CHD7: variants seen among roughly 807,000 people sequenced by gnomAD.
CHD7 encodes the protein ATP-dependent chromatin remodeler CHD7.
CHD7 carries 24 observed loss-of-function variants against 307.3 expected under a neutral mutation model. That is an observed-to-expected ratio of 0.08 (90% confidence interval 0.06 to 0.11). The LOEUF is 0.11. Ranked by LOEUF, CHD7 falls within the 10% of genes least tolerant of loss-of-function variation. The pLI, the probability that CHD7 is intolerant of heterozygous loss-of-function variation, is 1.00. For synonymous variants in CHD7, 1,363 were observed against 1,349.9 expected (o/e 1.01, Z -0.21); for missense variants, 3,106 against 3,727.1 (o/e 0.83, Z 4.34).
intron 2 of CHD7, among the ~76,000 whole-genome samples, chr8:60,747,918 G>A (rs975529673): frequency 1.3e-5 from 2 of 152,208 alleles, no homozygotes; most frequent in African/African-American, 2.4e-5. Context: ...TAACAGTGGG[G>A]ACTCAAAAAC....
At chr8:60,854,721 A>G (rs1302300249) in intron 32 of CHD7, among the ~76,000 whole-genome samples, 198 bp downstream of exon 32, 1 of 152,228 alleles carries the variant, frequency 6.6e-6, no homozygotes, top group Non-Finnish European at 1.5e-5. Context: ...TTCTAATAGG[A>G]TGGGAAATGT....
intron 32 of CHD7, among the ~76,000 whole-genome samples, chr8:60,855,553 C>T (rs1213099504): frequency 6.6e-6 from 1 of 152,196 alleles, no homozygotes; most frequent in Non-Finnish European, 1.5e-5. Flanking sequence ...GCAATCCAGC[C>T]TGTAGATCTG....
At chr8:60,765,225 A>G (rs1185177617) in intron 2 of CHD7, among the ~76,000 whole-genome samples, 3 of 151,286 alleles carry the variant, frequency 2.0e-5, no homozygotes, top group African/African-American at 7.3e-5. Context: ...ACACACACAC[A>G]CACACGCACA....
intron 1 of CHD7, among the ~76,000 whole-genome samples, chr8:60,735,933 A>G (rs767369938): frequency 1.3e-5 from 2 of 152,170 alleles, no homozygotes; most frequent in Non-Finnish European, 2.9e-5. Context: ...TTTAAGTTTT[A>G]TTTAGTTTAA....
chr8:60,776,017 C>G (rs577755337), intron 2 of CHD7, among the ~76,000 whole-genome samples: 1 of 152,204 alleles, frequency 6.6e-6, no homozygotes, highest in African/African-American at 2.4e-5. Flanking sequence ...GCCTTGGCCT[C>G]CCAAAGTGCT....
chr8:60,780,903 T>C (rs200937054), intron 2 of CHD7, 97 bp from the exon 3 acceptor site: 3 of 430,434 alleles, frequency 7.0e-6, no homozygotes, highest in Middle Eastern at 7.0e-4. Context: ...TACCTGAGTA[T>C]AGAATAAGTT....
chr8:60,815,643 G>A (rs1287669549), intron 7 of CHD7, among the ~76,000 whole-genome samples: 4 of 152,170 alleles, frequency 2.6e-5, no homozygotes, highest in African/African-American at 9.7e-5. Context: ...CTTGAGGGGA[G>A]GGGGTTTGCC....
intron 1 of CHD7, among the ~76,000 whole-genome samples, chr8:60,720,875 T>TCAG (rs1278742777): frequency 5.9e-5 from 9 of 152,222 alleles, no homozygotes; most frequent in Non-Finnish European, 1.3e-4. Flanking sequence ...CTTGCCACCA[T>TCAG]CAGCAGCAGC....
At chr8:60,686,617 G>A (rs886575587) in intron 1 of CHD7, among the ~76,000 whole-genome samples, 7 of 152,186 alleles carry the variant, frequency 4.6e-5, no homozygotes, top group African/African-American at 1.7e-4. Context: ...ATCAGGATGA[G>A]GTTGGGCAAA....
chr8:60,798,423 ACTAT>A (rs1274691201), intron 4 of CHD7, among the ~76,000 whole-genome samples: 3 of 152,164 alleles, frequency 2.0e-5, no homozygotes, highest in Non-Finnish European at 2.9e-5. Flanking sequence ...ACAATATCTA[ACTAT>A]CTATTTGATG....
chr8:60,814,039 C>A (rs1220969788), intron 7 of CHD7, among the ~76,000 whole-genome samples: 1 of 152,136 alleles, frequency 6.6e-6, no homozygotes, highest in Non-Finnish European at 1.5e-5. Context: ...TTATTAGCTT[C>A]ATAATATTTT....
At chr8:60,817,154 G>A (rs1026359979) in intron 8 of CHD7, among the ~76,000 whole-genome samples, 1 of 152,160 alleles carries the variant, frequency 6.6e-6, no homozygotes, top group African/African-American at 2.4e-5. Flanking sequence ...GCTTACTAGG[G>A]TCTCTGGACT....
At chr8:60,702,393 A>G (rs545356346) in intron 1 of CHD7, among the ~76,000 whole-genome samples, 2 of 152,250 alleles carry the variant, frequency 1.3e-5, no homozygotes, top group Non-Finnish European at 2.9e-5. Flanking sequence ...TTTGGTGTAA[A>G]TATAGTTATT....
At chr8:60,690,315 CTG>C (rs918823736) in intron 1 of CHD7, among the ~76,000 whole-genome samples, 1 of 151,972 alleles carries the variant, frequency 6.6e-6, no homozygotes, top group African/African-American at 2.4e-5. Context: ...TTTGAATAAA[CTG>C]TTGACTAGCT....
At chr8:60,746,774 C>T (rs1359780624) in intron 2 of CHD7, among the ~76,000 whole-genome samples, 1 of 152,104 alleles carries the variant, frequency 6.6e-6, no homozygotes. Flanking sequence ...AACAAAAAGG[C>T]CACAGTTCAT....
At chr8:60,767,476 A>C (rs1474528506) in intron 2 of CHD7, among the ~76,000 whole-genome samples, 1 of 152,214 alleles carries the variant, frequency 6.6e-6, no homozygotes, top group African/African-American at 2.4e-5. Flanking sequence ...ATGTTGCTAC[A>C]AGGGTGTTCT....
At chr8:60,722,378 C>A (rs1177777479) in intron 1 of CHD7, among the ~76,000 whole-genome samples, 1 of 152,018 alleles carries the variant, frequency 6.6e-6, no homozygotes, top group Non-Finnish European at 1.5e-5. Context: ...TTTTGGATTT[C>A]TTTTGCCATG....
At chr8:60,691,938 A>T (rs749621033) in intron 1 of CHD7, among the ~76,000 whole-genome samples, 3 of 152,218 alleles carry the variant, frequency 2.0e-5, no homozygotes, top group Admixed American at 2.0e-4. Flanking sequence ...CTTGTTAAAA[A>T]TGCAGATTCC....
intron 35 of CHD7, 195 bp downstream of exon 35, chr8:60,861,320 G>T: frequency 3.7e-6 from 2 of 540,444 alleles, no homozygotes; most frequent in Non-Finnish European, 3.3e-6. Flanking sequence ...CTTACTGAAG[G>T]CAGCCTTACA....
Sources: allele counts gnomAD v4.1 joint callset (sites outside exome capture counted in the v4.1 genomes callset), GRCh38; gene constraint gnomAD v4.1.1; transcripts MANE v1.5; gene names NCBI Gene and HGNC (gene_info 2026-07-23, HGNC 2026-07-21).